The following LTB4R variants were observed in gnomAD, a reference collection of about 807,000 sequenced individuals.
The protein encoded by LTB4R is leukotriene B4 receptor.
For synonymous variants in LTB4R, 250 were observed against 230.7 expected (o/e 1.08, Z -0.76); for missense variants, 470 against 485.6 (o/e 0.97, Z 0.30).
chr14:24,315,722 T>C lies in LTB4R; in HGVS notation c.71T>C (p.Leu24Pro). The C allele has an allele frequency of 6.2e-7, 1 of 1,614,232 alleles. No homozygotes were observed. Among genetic ancestry groups the C allele is most frequent in the African/African-American group, 1.3e-5 (1 of 75,066 alleles). The change falls in exon 2 of 2, where the codon CTG becomes CCG. Residue 24 changes from leucine (L) to proline (P), a missense_variant. By Grantham distance (98) the Leu-to-Pro change is moderately conservative. Transcript: ENST00000345363. ...TTCATCTCTCTGCTGGCTATCATCC[T>C]GCTGTCAGTGGCGCTGGCTGTGGGG... The part of the protein sequence containing the change: ...VEFISLLAII[L>P]LSVALAVGLP...
Position 24,311,605 on chromosome 14 carries a change from C to T in LTB4R, c.-215C>T, listed in dbSNP as rs775744295. On this transcript the variant is annotated 5_prime_UTR_variant, in exon 1 of 2. Transcript: ENST00000345363. The stretch of plus-strand genomic sequence containing the variant: ...CGGCTCTTCGAAGGCTCTGGGGAGG[C>T]CCGAGGGGGCGGCCGCTCTAGGGAA... 7 of 1,612,384 alleles carry T rather than the reference C, an allele frequency of 4.3e-6. No individual in the cohort carries two copies. Among genetic ancestry groups the T allele is most frequent in the African/African-American group, 4.0e-5 (3 of 74,932 alleles).
At position 24,311,615 on chromosome 14, in the gene LTB4R, C is replaced by A. The variant is rs1171776806; in HGVS notation, c.-205C>A. 1.2e-6 allele frequency: 2 copies of A among 1,612,818 alleles called. No homozygotes were observed. The highest frequency in any genetic ancestry group is 3.3e-5 in the Admixed American group (2 of 60,032). On this transcript the variant is annotated 5_prime_UTR_variant, in exon 1 of 2. Transcript: ENST00000345363. The stretch of plus-strand genomic sequence containing the variant: ...AAGGCTCTGGGGAGGCCCGAGGGGG[C>A]GGCCGCTCTAGGGAAGGGACCATGG...
In LTB4R at chr14:24,316,989, G is replaced by A. The variant is rs1316604833; in HGVS notation, c.*279G>A. 2.9e-6 allele frequency: 1 copy of A among 350,184 alleles called. No individual in the cohort carries two copies. The highest frequency in any genetic ancestry group is 5.4e-6 in the Non-Finnish European group (1 of 184,360). 21.7% of individuals were successfully genotyped at this position (350,184 alleles called of 1,614,324 possible). Reference sequence around the variant, plus strand: ...ATGTGCTGTGGGTATCGGGGTGCTCGTGGGCGCCCTGGTGGGGCCCCTCTC... The same window carrying A: ...ATGTGCTGTGGGTATCGGGGTGCTCATGGGCGCCCTGGTGGGGCCCCTCTC... On this transcript the variant is annotated 3_prime_UTR_variant, in exon 2 of 2. Transcript: ENST00000345363.
chr14:24,316,789 G>A lies in LTB4R; in HGVS notation c.*79G>A. The A allele has an allele frequency of 1.0e-6, 1 of 954,058 alleles. No individual in the cohort carries two copies. Among genetic ancestry groups the A allele is most frequent in the Non-Finnish European group, 1.4e-6 (1 of 708,038 alleles). The allele number at this position is 954,058 out of a possible 1,614,324, so 59.1% of individuals were successfully genotyped here. ...GTTCAGTACCTGGAGGAGGAGCAGGGGCGTGGAGGGCGTGGAGGGCGTGGG... is the reference window on the plus strand; with the variant it reads ...GTTCAGTACCTGGAGGAGGAGCAGGAGCGTGGAGGGCGTGGAGGGCGTGGG... On this transcript the variant is annotated 3_prime_UTR_variant, in exon 2 of 2. Coordinates refer to ENST00000345363, the MANE Select transcript of LTB4R (RefSeq NM_001143919.3).
At chr14:24,313,783 ACCATGTTGGCCAGGCTGGT>A (rs2041746632) in intron 1 of LTB4R, 1 of 152,096 alleles carries the variant, frequency 6.6e-6, no homozygotes, top group South Asian at 2.1e-4. Flanking sequence ...ACGGGGTTTC[ACCATGTTGGCCAGGCTGGT>A]CTCAAACTGC....
chr14:24,311,797 C>T lies in LTB4R; in HGVS notation c.-23C>T. ...TGTCCCTTTCCACCCCCCACCCACCCTCCAGAGGTCAGTGTTCTGGGACAT... is the reference window on the plus strand; with the variant it reads ...TGTCCCTTTCCACCCCCCACCCACCTTCCAGAGGTCAGTGTTCTGGGACAT... On this transcript the variant is annotated 5_prime_UTR_variant, in exon 1 of 2. Coordinates refer to ENST00000345363, the MANE Select transcript of LTB4R (RefSeq NM_001143919.3). 1 of 1,428,084 alleles carries T rather than the reference C, an allele frequency of 7.0e-7. No individual in the cohort carries two copies. The highest frequency in any genetic ancestry group is 9.4e-7 in the Non-Finnish European group (1 of 1,060,408). The allele number at this position is 1,428,084 out of a possible 1,614,324, so 88.5% of individuals were successfully genotyped here.
intron 1 of LTB4R, among the ~76,000 whole-genome samples, chr14:24,313,114 T>G (rs1198984239): frequency 6.6e-6 from 1 of 152,152 alleles, no homozygotes; most frequent in Admixed American, 6.5e-5. Flanking sequence ...TGCCTGGTCC[T>G]GGGTGTGGGG....
chr14:24,316,554 C>G lies in LTB4R; in HGVS notation c.903C>G (p.Val301=). The part of the protein sequence containing the change: ...GLLRSAGVGF[V]AKLLEGTGSE... ...TGCGCTCGGCGGGCGTGGGCTTCGT[C>G]GCCAAGCTGCTGGAGGGCACGGGCT... is the stretch of plus-strand genomic sequence containing the variant. Residue 301 remains valine, a synonymous_variant, in exon 2 of 2, where the codon GTC becomes GTG. Transcript: ENST00000345363. 1 of 1,435,802 alleles carries G rather than the reference C, an allele frequency of 7.0e-7. No homozygotes were observed. The highest frequency in any genetic ancestry group is 9.1e-7 in the Non-Finnish European group (1 of 1,102,352). The allele number at this position is 1,435,802 out of a possible 1,614,324, so 88.9% of individuals were successfully genotyped here.
Position 24,316,530 on chromosome 14 carries a change from G to A in LTB4R, c.879G>A (p.Leu293=). 6.9e-7 allele frequency: 1 copy of A among 1,456,476 alleles called. No homozygotes were observed. The highest frequency in any genetic ancestry group is 9.0e-7 in the Non-Finnish European group (1 of 1,111,562). 90.2% of individuals were successfully genotyped at this position (1,456,476 alleles called of 1,614,324 possible). The stretch of plus-strand genomic sequence containing the variant: ...ACGCGTGCGCCGGCGGCGGCCTGCT[G>A]CGCTCGGCGGGCGTGGGCTTCGTCG... ...VLYACAGGGL[L]RSAGVGFVAK... Residue 293 remains leucine (L), a synonymous_variant, in exon 2 of 2, where the codon CTG becomes CTA. Transcript: ENST00000345363.
In LTB4R at chr14:24,316,488, C is replaced by G; in HGVS notation, c.837C>G (p.Ser279Arg). 1 of 1,553,108 alleles carries G rather than the reference C, an allele frequency of 6.4e-7. No individual in the cohort carries two copies. Among genetic ancestry groups the G allele is most frequent in the Non-Finnish European group, 8.7e-7 (1 of 1,151,656 alleles). The change falls in exon 2 of 2, where the codon AGC (serine) becomes AGG (arginine). Residue 279 changes from serine to arginine, a missense_variant. Physicochemically the swap from Ser to Arg is moderately radical, Grantham distance 110. Coordinates refer to ENST00000345363, the MANE Select transcript of LTB4R (RefSeq NM_001143919.3). Reference protein sequence around the residue: ...VLIALAFLSSSVNPVLYACAG... With the variant: ...VLIALAFLSSRVNPVLYACAG... ...TCGCACTCGCCTTCCTGAGCAGCAGCGTGAACCCCGTGCTGTACGCGTGCG... is the reference window on the plus strand; with the variant it reads ...TCGCACTCGCCTTCCTGAGCAGCAGGGTGAACCCCGTGCTGTACGCGTGCG...
rs2041712648 is a variant in LTB4R at position 24,311,730 on chromosome 14, T to A, written c.-90T>A. On this transcript the variant is annotated 5_prime_UTR_variant, in exon 1 of 2. The change abolishes an upstream ATG in the 5' untranslated region. Coordinates refer to ENST00000345363, the MANE Select transcript of LTB4R (RefSeq NM_001143919.3). Reference sequence around the variant, plus strand: ...TGGGATGGAGAAGGACGGTCCGGAATGGGACCTTTGACAGCAGACCCTACA... The same window carrying A: ...TGGGATGGAGAAGGACGGTCCGGAAAGGGACCTTTGACAGCAGACCCTACA... The A allele has an allele frequency of 6.3e-7, 1 of 1,582,768 alleles. No individual in the cohort carries two copies. Among genetic ancestry groups the A allele is most frequent in the Admixed American group, 1.8e-5 (1 of 55,930 alleles).
At position 24,316,686 on chromosome 14, in the gene LTB4R, T is replaced by G; in HGVS notation, c.1035T>G (p.Pro345=). Residue 345 remains proline (P), a synonymous_variant, in exon 2 of 2, where the codon CCT becomes CCG. Coordinates refer to ENST00000345363, the MANE Select transcript of LTB4R (RefSeq NM_001143919.3). Reference sequence around the variant, plus strand: ...CCGAGAGCCTCACTGCCTCCAGCCCTCTCAAGTTAAACGAACTGAACTAGG... The same window carrying G: ...CCGAGAGCCTCACTGCCTCCAGCCCGCTCAAGTTAAACGAACTGAACTAGG... ...GPSESLTASS[P]LKLNELN 1 of 1,538,010 alleles carries G rather than the reference T, an allele frequency of 6.5e-7. No individual in the cohort carries two copies. Among genetic ancestry groups the G allele is most frequent in the Non-Finnish European group, 8.7e-7 (1 of 1,142,894 alleles).
Position 24,311,788 on chromosome 14 carries a change from C to T in LTB4R, c.-32C>T, listed in dbSNP as rs773417273. The stretch of plus-strand genomic sequence containing the variant: ...GCCCTTCCCTGTCCCTTTCCACCCC[C>T]CACCCACCCTCCAGAGGTCAGTGTT... On this transcript the variant is annotated 5_prime_UTR_variant, in exon 1 of 2. Coordinates refer to ENST00000345363, the MANE Select transcript of LTB4R (RefSeq NM_001143919.3). The T allele has an allele frequency of 7.5e-6, 11 of 1,464,946 alleles. No individual in the cohort carries two copies. Among genetic ancestry groups the T allele is most frequent in the Non-Finnish European group, 1.0e-5 (11 of 1,088,918 alleles). 90.7% of individuals were successfully genotyped at this position (1,464,946 alleles called of 1,614,324 possible).
In LTB4R at chr14:24,311,674, G is replaced by C; in HGVS notation, c.-146G>C. On this transcript the variant is annotated 5_prime_UTR_variant, in exon 1 of 2. Transcript: ENST00000345363. ...ACTACCCCTCAGCTGAAAGTGGTGG[G>C]GCAGGGCCGCGGCAATGGAGACCCG... 6.2e-7 allele frequency: 1 copy of C among 1,611,390 alleles called. No individual in the cohort carries two copies. The highest frequency in any genetic ancestry group is 1.1e-5 in the South Asian group (1 of 91,046).
intron 1 of LTB4R, 178 bp downstream of exon 1, chr14:24,311,982 A>G (rs1164459271): frequency 2.4e-5 from 12 of 504,042 alleles, no homozygotes; most frequent in Non-Finnish European, 4.3e-5. Flanking sequence ...CCCATGTGCC[A>G]GCATTGCTTA....
At chr14:24,312,369 T>C (rs762615861) in intron 1 of LTB4R, among the ~76,000 whole-genome samples, 1 of 152,224 alleles carries the variant, frequency 6.6e-6, no homozygotes, top group Non-Finnish European at 1.5e-5. Flanking sequence ...TTTTCCTGCC[T>C]GTCTTGTATT....
chr14:24,318,010 A>G lies in LTB4R; in HGVS notation c.*1300A>G. 4.7e-6 allele frequency: 1 copy of G among 214,168 alleles called. No homozygotes were observed. 13.3% of individuals were successfully genotyped at this position (214,168 alleles called of 1,614,324 possible). On this transcript the variant is annotated 3_prime_UTR_variant, in exon 2 of 2. Transcript: ENST00000345363. ...TACTTATTTAGTGTTTGTCGAATTA[A>G]TAAAGTTCAAATGACATTTCCCTGG...
Position 24,311,700 on chromosome 14 carries a change from G to C in LTB4R, c.-120G>C, listed in dbSNP as rs537811819. The C allele has an allele frequency of 1.9e-4, 303 of 1,606,404 alleles. 2 individuals carry two copies. The Admixed American group carries it at 4.9e-3, about 26-fold the overall frequency. On this transcript the variant is annotated 5_prime_UTR_variant, in exon 1 of 2. Transcript: ENST00000345363. ...GCAGGGCCGCGGCAATGGAGACCCGGGGGGTGGGATGGAGAAGGACGGTCC... is the reference window on the plus strand; with the variant it reads ...GCAGGGCCGCGGCAATGGAGACCCGCGGGGTGGGATGGAGAAGGACGGTCC...
Position 24,316,324 on chromosome 14 carries a change from C to T in LTB4R, c.673C>T (p.Leu225Phe), listed in dbSNP as rs746277997. The change falls in exon 2 of 2, where the codon CTC becomes TTC. Residue 225 changes from leucine (L) to phenylalanine (F), a missense_variant. Leu to Phe is a conservative substitution (Grantham distance 22). Transcript: ENST00000345363. ...RSRRTGRLVVLIILTFAAFWL... is the reference protein window; with the variant it reads ...RSRRTGRLVVFIILTFAAFWL... ...CCGCCGCACCGGCCGCCTGGTGGTG[C>T]TCATCATCCTGACCTTCGCCGCCTT... 2 of 1,599,862 alleles carry T rather than the reference C, an allele frequency of 1.3e-6. No homozygotes were observed. The highest frequency in any genetic ancestry group is 3.4e-5 in the Admixed American group (2 of 58,998).
Sources: gnomAD v4.1 joint callset for allele counts (sites outside exome capture counted in the v4.1 genomes callset) on GRCh38, gnomAD v4.1.1 for gene constraint, MANE v1.5 for transcripts, NCBI Gene and HGNC (gene_info 2026-07-23, HGNC 2026-07-21) for gene names.